LPIN2: variants seen among roughly 807,000 people sequenced by gnomAD.
LPIN2 encodes lipin 2.
LPIN2 carries 55 observed loss-of-function variants against 111.4 expected under a neutral mutation model. The ratio of observed to expected loss-of-function variants is 0.49; its 90% CI spans 0.40 to 0.62. LPIN2 has a LOEUF of 0.62. Ranked by LOEUF, LPIN2 falls within the 20% of genes least tolerant of loss-of-function variation. The pLI is 0.00. For missense variants in LPIN2, 992 were observed against 1,112.1 expected, an observed-to-expected ratio of 0.89 and a Z score of 1.54; for synonymous variants, 425 against 414.0, an observed-to-expected ratio of 1.03 and a Z score of -0.32.
intron 1 of LPIN2, among the ~76,000 whole-genome samples, chr18:2,969,863 T>A (rs1209102166): frequency 2.6e-5 from 4 of 152,152 alleles, no homozygotes; most frequent in Non-Finnish European, 1.5e-5. Context: ...CCTGATTAAG[T>A]TTGTTATGAA....
intron 1 of LPIN2, among the ~76,000 whole-genome samples, chr18:3,010,566 A>ACGGCAAGT (rs1482587149): frequency 6.6e-6 from 1 of 152,222 alleles, no homozygotes; most frequent in Non-Finnish European, 1.5e-5. Context: ...CCAATCTGGC[A>ACGGCAAGT]CGGCAAGTCG....
At position 2,955,355 on chromosome 18, in the gene LPIN2, C is replaced by T. The variant is rs184399984; in HGVS notation, c.193-756G>A. On this transcript the variant is annotated intron_variant, in intron 2 of 19. Transcript: ENST00000677752. ...GTGAAAGGCGAAGTGGGGGCAGACA[C>T]GTCACATAGTGAGAGCAGGTGCAAG... Among the ~76,000 whole-genome samples the T allele has an allele frequency of 1.0e-3, 155 of 152,156 alleles. 1 individual carries two copies. Among genetic ancestry groups the T allele is most frequent in the Non-Finnish European group, 1.9e-3 (126 of 68,004 alleles).
At chr18:2,979,712 A>T (rs1322194045) in intron 1 of LPIN2, among the ~76,000 whole-genome samples, 1 of 152,204 alleles carries the variant, frequency 6.6e-6, no homozygotes, top group Non-Finnish European at 1.5e-5. Flanking sequence ...TAGCCGAAAC[A>T]TATTCATGTC....
intron 3 of LPIN2, among the ~76,000 whole-genome samples, chr18:2,953,157 G>A (rs977566876): frequency 6.6e-6 from 1 of 152,152 alleles, no homozygotes; most frequent in African/African-American, 2.4e-5. Flanking sequence ...AGTCATATGT[G>A]GAATAGGGAG....
intron 1 of LPIN2, among the ~76,000 whole-genome samples, chr18:2,984,082 A>C (rs1034853321): frequency 3.3e-5 from 5 of 152,350 alleles, no homozygotes; most frequent in African/African-American, 9.6e-5. Context: ...TAAACTTCAC[A>C]AAAGACAAAA....
intron 1 of LPIN2, among the ~76,000 whole-genome samples, chr18:3,008,875 CTG>C (rs918297714): frequency 2.1e-5 from 3 of 142,004 alleles, no homozygotes; most frequent in Non-Finnish European, 4.5e-5. Context: ...ACTACCACAG[CTG>C]TGTTTTTTTT....
intron 1 of LPIN2, chr18:2,990,859 T>C (rs2078255055): frequency 4.3e-6 from 2 of 464,858 alleles, no homozygotes; most frequent in Non-Finnish European, 8.4e-6. Flanking sequence ...GCAGGGACAA[T>C]GATACTACCT....
Position 2,920,801 on chromosome 18 carries a change from T to A in LPIN2, c.2523A>T (p.Glu841Asp). ...TVNPKGELIQ[E>D]RTKGNKSSYH... Reference sequence around the variant, plus strand: ...ACGATGACTTGTTTCCTTTGGTTCTTTCTTGTATTAATTCACCCTTGGGGT... The same window carrying A: ...ACGATGACTTGTTTCCTTTGGTTCTATCTTGTATTAATTCACCCTTGGGGT... Residue 841 changes from glutamate (E) to aspartate (D), a missense_variant, in exon 19 of 20, where the codon GAA (glutamate) becomes GAT (aspartate). This residue lies in a region of LPIN2 where 185 missense variants were observed against 186.5 expected (regional missense o/e 0.99). Transcript: ENST00000677752. 6.2e-7 allele frequency: 1 copy of A among 1,614,132 alleles called. No homozygotes were observed. The highest frequency in any genetic ancestry group is 8.5e-7 in the Non-Finnish European group (1 of 1,179,950).
chr18:2,923,670 A>G (rs2077089193), intron 16 of LPIN2, 105 bp downstream of exon 16: 3 of 983,624 alleles, frequency 3.0e-6, no homozygotes, highest in Non-Finnish European at 4.9e-6. Context: ...ATGCTTCAGC[A>G]TAAACACATG....
chr18:2,993,494 A>G (rs1184851081), intron 1 of LPIN2, among the ~76,000 whole-genome samples: 1 of 152,242 alleles, frequency 6.6e-6, no homozygotes, highest in Non-Finnish European at 1.5e-5. Context: ...ACAATCTGAC[A>G]TTTCGAAAAC....
intron 1 of LPIN2, among the ~76,000 whole-genome samples, chr18:2,961,392 TAA>T (rs1454408004): frequency 6.6e-6 from 1 of 152,160 alleles, no homozygotes; most frequent in African/African-American, 2.4e-5. Flanking sequence ...CTAGATTAAA[TAA>T]ACTCTGGCAA....
intron 7 of LPIN2, 133 bp from the exon 8 acceptor site, chr18:2,934,583 C>A: frequency 1.5e-6 from 1 of 682,002 alleles, no homozygotes; most frequent in East Asian, 2.9e-5. Flanking sequence ...AAGGTGTCAA[C>A]CAGCCTTTTT....
rs150747140 is a variant in LPIN2, at chr18:2,923,749, C to A, written c.2174+26G>T. 254 of 1,584,822 alleles carry A rather than the reference C, an allele frequency of 1.6e-4. No individual in the cohort carries two copies. In the African/African-American group the frequency reaches 2.8e-3, roughly 17 times the overall value. On this transcript the variant is annotated intron_variant, in intron 16 of 19. Coordinates refer to ENST00000677752, the MANE Select transcript of LPIN2 (RefSeq NM_001375808.2). ...AAAGCAAGCTTCCAGCTCACCAGAGCGAGTTAACGTGGGGAGGGTACCTAC... is the reference window on the plus strand; with the variant it reads ...AAAGCAAGCTTCCAGCTCACCAGAGAGAGTTAACGTGGGGAGGGTACCTAC...
chr18:2,945,847 C>G, intron 4 of LPIN2: 1 of 1,469,108 alleles, frequency 6.8e-7, no homozygotes, highest in Non-Finnish European at 9.5e-7. Context: ...TGATGCCAGT[C>G]ATGTCTACAT....
At position 2,984,349 on chromosome 18, in the gene LPIN2, CCTA is replaced by C. The variant is rs542748225; in HGVS notation, c.-9-23503_-9-23501del. 3.7e-4 allele frequency among the ~76,000 whole-genome samples: 56 copies of C among 152,234 alleles called. 1 individual carries two copies. In the South Asian group the frequency reaches 6.6e-3, roughly 18 times the overall value. On this transcript the variant is annotated intron_variant, in intron 1 of 19. Coordinates refer to ENST00000677752, the MANE Select transcript of LPIN2 (RefSeq NM_001375808.2). ...TCAACACACATCATGTACACAAACTCCTACTTCCAGAAGAGAATTGTTTAGGTT... is the reference window on the plus strand; with the variant it reads ...TCAACACACATCATGTACACAAACTCCTTCCAGAAGAGAATTGTTTAGGTT...
chr18:2,917,044 C>G lies in LPIN2; in HGVS notation c.*3249G>C, dbSNP rs1333079244. On this transcript the variant is annotated 3_prime_UTR_variant, in exon 20 of 20. Coordinates refer to ENST00000677752, the MANE Select transcript of LPIN2 (RefSeq NM_001375808.2). ...TGTTGTAACATTTTGTTTTGAACAT[C>G]AAACACTGCACCAAAATATTAGCCA... 1.3e-5 allele frequency: 2 copies of G among 152,198 alleles called. No homozygotes were observed. Among genetic ancestry groups the G allele is most frequent in the African/African-American group, 4.8e-5 (2 of 41,450 alleles). The allele number at this position is 152,198 out of a possible 1,614,324, so 9.4% of individuals were successfully genotyped here. A position where few individuals can be genotyped will look rare whatever the true frequency, so the allele number is the denominator to read the frequency against.
At chr18:3,006,291 G>C (rs1037490200) in intron 1 of LPIN2, among the ~76,000 whole-genome samples, 3 of 152,182 alleles carry the variant, frequency 2.0e-5, no homozygotes, top group African/African-American at 7.2e-5. Context: ...GGATAGACTA[G>C]ATATTAAAGA....
intron 1 of LPIN2, among the ~76,000 whole-genome samples, chr18:2,974,410 G>C (rs796695367): frequency 3.3e-5 from 5 of 152,304 alleles, no homozygotes; most frequent in African/African-American, 1.2e-4. Context: ...GGAATCTTCA[G>C]TGTCCTTGGG....
intron 1 of LPIN2, among the ~76,000 whole-genome samples, chr18:2,965,944 T>C (rs1163472639): frequency 6.6e-6 from 1 of 152,198 alleles, no homozygotes; most frequent in Non-Finnish European, 1.5e-5. Flanking sequence ...TTTACTTTTA[T>C]TTTCATTTTG....
Sources: gnomAD v4.1 joint callset for allele counts (sites outside exome capture counted in the v4.1 genomes callset) on GRCh38, gnomAD v4.1.1 for gene constraint, gnomAD v4.1.1 regional missense constraint, MANE v1.5 for transcripts, NCBI Gene and HGNC (gene_info 2026-07-23, HGNC 2026-07-21) for gene names.